The following CCDC91 variants were observed in gnomAD, a reference collection of about 807,000 sequenced individuals.
CCDC91 encodes coiled-coil domain-containing protein 91.
Under a neutral mutation model 63.2 loss-of-function variants are expected in CCDC91, and 48 were observed. The ratio of observed to expected loss-of-function variants is 0.76; its 90% confidence interval spans 0.60 to 0.97. The LOEUF is 0.97. CCDC91 is among the 50% of genes least tolerant of loss of function. The pLI is 0.00. For missense variants in CCDC91, 500 were observed against 494.6 expected, an observed-to-expected ratio of 1.01 and a Z score of -0.10; for synonymous variants, 167 against 165.8, an observed-to-expected ratio of 1.01 and a Z score of -0.06.
intron 6 of CCDC91, among the ~76,000 whole-genome samples, chr12:28,315,169 A>T (rs1217180878): frequency 6.6e-6 from 1 of 151,068 alleles, no homozygotes; most frequent in Non-Finnish European, 1.5e-5. Flanking sequence ...ATATATATAT[A>T]TATTTTTGTT....
At chr12:28,218,124 T>C (rs1471094596) in intron 1 of CCDC91, among the ~76,000 whole-genome samples, 1 of 152,204 alleles carries the variant, frequency 6.6e-6, no homozygotes. Context: ...TGAGACACTT[T>C]ACATACACAT....
chr12:28,234,401 T>C (rs762621621), intron 1 of CCDC91, among the ~76,000 whole-genome samples: 8 of 152,182 alleles, frequency 5.3e-5, no homozygotes, highest in Non-Finnish European at 1.0e-4. Flanking sequence ...TGACAGAATT[T>C]TTTTAAAAAG....
chr12:28,252,615 T>A (rs1377348064), intron 1 of CCDC91, among the ~76,000 whole-genome samples: 1 of 152,144 alleles, frequency 6.6e-6, no homozygotes, highest in Non-Finnish European at 1.5e-5. Context: ...AATTAGGGCA[T>A]CCTGTTCGTA....
intron 8 of CCDC91, among the ~76,000 whole-genome samples, chr12:28,394,234 C>T (rs545241671): frequency 1.3e-5 from 2 of 152,012 alleles, no homozygotes; most frequent in South Asian, 2.1e-4. Flanking sequence ...TGGGAGGCCA[C>T]GGCGGGCCGA....
intron 3 of CCDC91, among the ~76,000 whole-genome samples, chr12:28,272,658 G>A (rs1426202875): frequency 6.6e-6 from 1 of 151,694 alleles, no homozygotes; most frequent in African/African-American, 2.4e-5. Flanking sequence ...GCTCTCAAAA[G>A]TGAAAAACTA....
chr12:28,251,652 T>G (rs1411494042), intron 1 of CCDC91, among the ~76,000 whole-genome samples: 2 of 152,050 alleles, frequency 1.3e-5, no homozygotes, highest in African/African-American at 4.8e-5. Context: ...TTCATACTGG[T>G]TTCTCTGTTT....
chr12:28,447,100 C>T (rs188228284), intron 8 of CCDC91, among the ~76,000 whole-genome samples: 37 of 152,182 alleles, frequency 2.4e-4, no homozygotes, highest in Non-Finnish European at 4.6e-4. Flanking sequence ...AACCTTCAGC[C>T]TGTTAATATG....
At chr12:28,521,269 C>T (rs1223927316) in intron 12 of CCDC91, among the ~76,000 whole-genome samples, 1 of 152,064 alleles carries the variant, frequency 6.6e-6, no homozygotes, top group Non-Finnish European at 1.5e-5. Context: ...TTGTAGTTCT[C>T]CTTGAAGAGG....
At chr12:28,257,323 T>C in intron 2 of CCDC91, 78 bp downstream of exon 2, 1 of 848,700 alleles carries the variant, frequency 1.2e-6, no homozygotes, top group Non-Finnish European at 1.9e-6. Context: ...AAATGTATTA[T>C]ATTTCATTGG....
chr12:28,351,638 G>A (rs1284294305), intron 6 of CCDC91, among the ~76,000 whole-genome samples: 1 of 151,850 alleles, frequency 6.6e-6, no homozygotes, highest in Non-Finnish European at 1.5e-5. Context: ...CTGGGCCCTG[G>A]GCTTTGCAAC....
chr12:28,500,001 C>G (rs917913273), intron 12 of CCDC91, among the ~76,000 whole-genome samples: 10 of 152,144 alleles, frequency 6.6e-5, no homozygotes, highest in Non-Finnish European at 1.0e-4. Context: ...TCCTCTCCAG[C>G]ATCTGTTGTT....
intron 12 of CCDC91, among the ~76,000 whole-genome samples, chr12:28,511,862 A>G (rs1939413131): frequency 6.6e-6 from 1 of 151,836 alleles, no homozygotes; most frequent in South Asian, 2.1e-4. Flanking sequence ...TTGCTGGCAG[A>G]TGAGCATGAT....
At chr12:28,386,290 G>C (rs1196410887) in intron 7 of CCDC91, among the ~76,000 whole-genome samples, 1 of 152,024 alleles carries the variant, frequency 6.6e-6, no homozygotes, top group Non-Finnish European at 1.5e-5. Flanking sequence ...TTATGTACAA[G>C]GCAGTCTAAA....
At chr12:28,387,919 G>C (rs1355015375) in intron 7 of CCDC91, among the ~76,000 whole-genome samples, 1 of 152,120 alleles carries the variant, frequency 6.6e-6, no homozygotes, top group Non-Finnish European at 1.5e-5. Context: ...GGTATTGCTG[G>C]ATCAGATGGT....
intron 1 of CCDC91, among the ~76,000 whole-genome samples, chr12:28,205,809 G>A (rs10843135): frequency 0.26 from 39,553 of 151,966 alleles, 5,374 homozygotes; most frequent in Non-Finnish European, 0.31. Context: ...TTAGGTTGCA[G>A]TTGGTCCACA....
At chr12:28,286,315 A>T (rs1226794527) in intron 3 of CCDC91, among the ~76,000 whole-genome samples, 1 of 152,086 alleles carries the variant, frequency 6.6e-6, no homozygotes, top group East Asian at 1.9e-4. Flanking sequence ...CATCACCCAG[A>T]TATTAAGCCT....
intron 1 of CCDC91, among the ~76,000 whole-genome samples, chr12:28,190,893 T>G (rs1479430152): frequency 6.6e-6 from 1 of 152,222 alleles, no homozygotes; most frequent in Non-Finnish European, 1.5e-5. Flanking sequence ...TACCGGTATC[T>G]GCACGTCCCA....
chr12:28,521,177 C>T (rs1565514900), intron 12 of CCDC91, among the ~76,000 whole-genome samples: 3 of 152,184 alleles, frequency 2.0e-5, no homozygotes. Context: ...TGGCCATTTT[C>T]ACGATATTGA....
chr12:28,533,097 A>C (rs926718170), intron 12 of CCDC91, among the ~76,000 whole-genome samples: 5 of 152,154 alleles, frequency 3.3e-5, no homozygotes, highest in African/African-American at 7.2e-5. Context: ...TTGATTAGTT[A>C]CGGTAGCCCC....
Sources: allele counts gnomAD v4.1 joint callset (sites outside exome capture counted in the v4.1 genomes callset), GRCh38; gene constraint gnomAD v4.1.1; transcripts MANE v1.5; gene names NCBI Gene and HGNC (gene_info 2026-07-23, HGNC 2026-07-21).